Variants in MAPK8 observed in about 807,000 individuals in gnomAD.
MAPK8 encodes JUN N-terminal kinase.
Under a neutral mutation model 52.9 loss-of-function variants are expected in MAPK8, and 13 were observed. That is an observed-to-expected ratio of 0.25 (90% CI 0.16 to 0.39). The LOEUF (loss-of-function observed/expected upper bound fraction) is 0.39, where lower values mean the gene tolerates loss of function less well. Among genes scored for constraint, MAPK8 ranks in the 10% least tolerant of loss-of-function variants. The pLI is 1.00. For missense variants in MAPK8, 300 were observed against 519.2 expected, an observed-to-expected ratio of 0.58 and a Z score of 4.10; for synonymous variants, 191 against 169.8, an observed-to-expected ratio of 1.12 and a Z score of -0.97.
intron 2 of MAPK8, among the ~76,000 whole-genome samples, chr10:48,404,532 G>C (rs548405578): frequency 1.3e-5 from 2 of 152,300 alleles, no homozygotes; most frequent in East Asian, 3.9e-4. Context: ...AGGCTATCTA[G>C]TGGAGCTAAA....
At chr10:48,386,731 A>G (rs971861182) in intron 1 of MAPK8, among the ~76,000 whole-genome samples, 1 of 152,212 alleles carries the variant, frequency 6.6e-6, no homozygotes, top group African/African-American at 2.4e-5. Context: ...TCGGAGGCCA[A>G]GGCAGGAGGA....
chr10:48,391,462 A>G (rs1406686502), intron 1 of MAPK8, among the ~76,000 whole-genome samples: 2 of 152,214 alleles, frequency 1.3e-5, no homozygotes, highest in Non-Finnish European at 2.9e-5. Context: ...TGGAGAGATC[A>G]GTATATCAAA....
chr10:48,376,834 A>T (rs950824361), intron 1 of MAPK8, among the ~76,000 whole-genome samples: 1 of 152,210 alleles, frequency 6.6e-6, no homozygotes, highest in Non-Finnish European at 1.5e-5. Flanking sequence ...CTAGAGCTAG[A>T]AATACTATTT....
At chr10:48,363,307 C>T (rs11596599) in intron 1 of MAPK8, among the ~76,000 whole-genome samples, 9 of 152,284 alleles carry the variant, frequency 5.9e-5, no homozygotes, top group South Asian at 2.1e-4. Flanking sequence ...TCTTTATATG[C>T]GCTCATAGAA....
intron 3 of MAPK8, among the ~76,000 whole-genome samples, chr10:48,405,480 G>A (rs893847971): frequency 1.3e-5 from 2 of 152,152 alleles, no homozygotes; most frequent in Non-Finnish European, 2.9e-5. Flanking sequence ...AGTGGGTTTA[G>A]CAGAAAGTGT....
At chr10:48,396,995 T>G (rs996444858) in intron 1 of MAPK8, among the ~76,000 whole-genome samples, 2 of 152,192 alleles carry the variant, frequency 1.3e-5, no homozygotes, top group Admixed American at 1.3e-4. Context: ...TATTACAGTT[T>G]CTGGGTACCT....
At position 48,401,849 on chromosome 10, in the gene MAPK8, T is replaced by G. The variant is rs74808108; in HGVS notation, c.122+67T>G. The G allele has an allele frequency of 4.2e-4, 528 of 1,256,104 alleles. 6 individuals are homozygous for G. The East Asian group carries it at 0.013, about 30-fold the overall frequency. The allele number at this position is 1,256,104 out of a possible 1,614,324, so 77.8% of individuals were successfully genotyped here. A position where few individuals can be genotyped will look rare whatever the true frequency, so the allele number is the denominator to read the frequency against. Reference sequence around the variant, plus strand: ...TGCTACCTTTTCTCCTCTCGTAATTTAGATACCTTGGCAAATATTTAACTT... The same window carrying G: ...TGCTACCTTTTCTCCTCTCGTAATTGAGATACCTTGGCAAATATTTAACTT... On this transcript the variant is annotated intron_variant, in intron 2 of 11. Coordinates refer to ENST00000374189, the MANE Select transcript of MAPK8 (RefSeq NM_001323329.2).
Position 48,414,185 on chromosome 10 carries a change from G to T in MAPK8, c.450+4017G>T, listed in dbSNP as rs2042935323. 2.6e-5 allele frequency among the ~76,000 whole-genome samples: 4 copies of T among 151,940 alleles called. 1 individual carries two copies. In the Middle Eastern group the frequency reaches 0.014, roughly 520 times the overall value. On this transcript the variant is annotated intron_variant, in intron 5 of 11. Transcript: ENST00000374189. ...AATTATATAATATGTGATATTTTGT[G>T]CTTGGCTTATTTTACCTAGCATAAT...
chr10:48,329,940 A>C (rs1043246393), intron 1 of MAPK8, among the ~76,000 whole-genome samples: 1 of 152,236 alleles, frequency 6.6e-6, no homozygotes, highest in South Asian at 2.1e-4. Flanking sequence ...CATTTAAAAA[A>C]ATTTTTTTTA....
chr10:48,315,477 T>C (rs993010210), intron 1 of MAPK8, among the ~76,000 whole-genome samples: 1 of 152,168 alleles, frequency 6.6e-6, no homozygotes, highest in African/African-American at 2.4e-5. Flanking sequence ...AAGTGACAGC[T>C]TTATGATGTA....
At chr10:48,398,127 C>A (rs923713488) in intron 1 of MAPK8, among the ~76,000 whole-genome samples, 1 of 151,962 alleles carries the variant, frequency 6.6e-6, no homozygotes, top group Non-Finnish European at 1.5e-5. Context: ...ATTTTTGTAA[C>A]TTCTATGTGA....
chr10:48,385,693 C>T (rs891709630), intron 1 of MAPK8, among the ~76,000 whole-genome samples: 1 of 151,976 alleles, frequency 6.6e-6, no homozygotes, highest in Non-Finnish European at 1.5e-5. Flanking sequence ...AAAATTCAAG[C>T]TATTTCTAGA....
intron 1 of MAPK8, among the ~76,000 whole-genome samples, chr10:48,346,712 A>G (rs889625771): frequency 3.9e-5 from 6 of 152,146 alleles, no homozygotes; most frequent in Non-Finnish European, 7.4e-5. Flanking sequence ...GTCTGCCTTC[A>G]TGTTCCATCC....
At chr10:48,408,609 T>A (rs1263304353) in intron 3 of MAPK8, among the ~76,000 whole-genome samples, 2 of 152,234 alleles carry the variant, frequency 1.3e-5, no homozygotes, top group Non-Finnish European at 2.9e-5. Context: ...AATATATTTG[T>A]TGGCTTTAAA....
chr10:48,415,716 A>G (rs1413878624), intron 5 of MAPK8, among the ~76,000 whole-genome samples: 2 of 152,254 alleles, frequency 1.3e-5, no homozygotes, highest in Admixed American at 1.3e-4. Flanking sequence ...GAGAATAAAG[A>G]GTCTCGCGTT....
rs554391734 is a variant in MAPK8 at position 48,307,085 on chromosome 10, C to T, written c.-50+264C>T. 1.8e-3 allele frequency: 271 copies of T among 152,484 alleles called. 1 individual carries two copies. Among genetic ancestry groups the T allele is most frequent in the African/African-American group, 6.2e-3 (257 of 41,550 alleles). 9.4% of individuals were successfully genotyped at this position (152,484 alleles called of 1,614,324 possible). A position where few individuals can be genotyped will look rare whatever the true frequency, so the allele number is the denominator to read the frequency against. On this transcript the variant is annotated intron_variant, in intron 1 of 11. Coordinates refer to ENST00000374189, the MANE Select transcript of MAPK8 (RefSeq NM_001323329.2). ...GCCGCCGCGAGCCCCGCCCGCCTGT[C>T]CTCTCGCGTCCTCTTCGCGTGGGTC...
chr10:48,332,208 T>C (rs1463917078), intron 1 of MAPK8, among the ~76,000 whole-genome samples: 3 of 152,224 alleles, frequency 2.0e-5, no homozygotes, highest in Admixed American at 1.3e-4. Context: ...CCAGTAAATA[T>C]ATCAGTCTTC....
At chr10:48,400,030 C>T (rs1330038651) in intron 1 of MAPK8, among the ~76,000 whole-genome samples, 3 of 152,248 alleles carry the variant, frequency 2.0e-5, no homozygotes, top group African/African-American at 7.2e-5. Flanking sequence ...ACTCTTCCCA[C>T]TTCTCTTCTT....
At chr10:48,306,962 G>T in intron 1 of MAPK8, 141 bp downstream of exon 1, 1 of 152,248 alleles carries the variant, frequency 6.6e-6, no homozygotes, top group South Asian at 2.0e-4. Flanking sequence ...CGGTGGGCGG[G>T]GGCGGCGCGG....
Sources: gnomAD v4.1 joint callset for allele counts (sites outside exome capture counted in the v4.1 genomes callset) on GRCh38, gnomAD v4.1.1 for gene constraint, MANE v1.5 for transcripts, NCBI Gene and HGNC (gene_info 2026-07-23, HGNC 2026-07-21) for gene names.